The following MROH7 variants were observed in gnomAD, a reference collection of about 807,000 sequenced individuals.
MROH7 encodes the protein maestro heat like repeat family member 7, also known as maestro heat-like repeat-containing protein family member 7.
Under a neutral mutation model 129.2 loss-of-function variants are expected in MROH7, and 113 were observed. The observed-to-expected ratio is 0.87, with a 90% CI of 0.75 to 1.02. The LOEUF is 1.02. MROH7 is among the 50% of genes least tolerant of loss of function. The pLI, the probability that MROH7 is intolerant of heterozygous loss-of-function variation, is 0.00. For synonymous variants in MROH7, 655 were observed against 667.9 expected (o/e 0.98, Z 0.30); for missense variants, 1,601 against 1,671.3 (o/e 0.96, Z 0.73).
chr1:54,673,929 G>C, intron 9 of MROH7, 87 bp from the exon 10 acceptor site: 1 of 1,556,300 alleles, frequency 6.4e-7, no homozygotes, highest in Non-Finnish European at 8.8e-7. Context: ...GTGCTATCTG[G>C]GCCAGACTAT....
At chr1:54,688,080 TGTG>T (rs1427930546) in intron 15 of MROH7, among the ~76,000 whole-genome samples, 2 of 150,650 alleles carry the variant, frequency 1.3e-5, no homozygotes, top group African/African-American at 4.9e-5. Flanking sequence ...ATTAGCCAGA[TGTG>T]GTGGTGGGTG....
At chr1:54,698,797 C>CTTTTTTTTT (rs202069655) in intron 17 of MROH7, 1 of 141,860 alleles carries the variant, frequency 7.0e-6, no homozygotes, top group Non-Finnish European at 1.5e-5. Context: ...AAGTTTCTTT[C>CTTTTTTTTT]TTTTTTTTTT....
intron 10 of MROH7, among the ~76,000 whole-genome samples, chr1:54,676,070 G>A (rs987481117): frequency 6.6e-6 from 1 of 152,046 alleles, no homozygotes; most frequent in Non-Finnish European, 1.5e-5. Flanking sequence ...GGTAAACAAT[G>A]GGTAATTTTT....
intron 4 of MROH7, among the ~76,000 whole-genome samples, chr1:54,666,412 C>T (rs115308407): frequency 0.016 from 1,933 of 124,378 alleles, 39 homozygotes; most frequent in East Asian, 0.097. Context: ...TTATAGGAGG[C>T]GGGAGAAGAG....
chr1:54,682,888 C>T, intron 14 of MROH7, 94 bp downstream of exon 14: 1 of 1,379,040 alleles, frequency 7.3e-7, no homozygotes, highest in African/African-American at 1.4e-5. Flanking sequence ...GCCTCGAGTA[C>T]CGCACTCTGC....
intron 5 of MROH7, among the ~76,000 whole-genome samples, chr1:54,669,382 C>A (rs958469868): frequency 1.3e-5 from 2 of 152,208 alleles, no homozygotes; most frequent in Non-Finnish European, 2.9e-5. Context: ...TGAATAACCA[C>A]TGAAGCTTCC....
At chr1:54,642,642 GTC>G (rs781530204) in intron 1 of MROH7, among the ~76,000 whole-genome samples, 1 of 152,222 alleles carries the variant, frequency 6.6e-6, no homozygotes, top group East Asian at 1.9e-4. Context: ...TTGAGACAGA[GTC>G]TCTCTCTGTC....
intron 11 of MROH7, 79 bp from the exon 12 acceptor site, chr1:54,679,184 G>C: frequency 7.0e-7 from 1 of 1,432,582 alleles, no homozygotes; most frequent in Admixed American, 1.7e-5. Flanking sequence ...GGCAGTGTTT[G>C]TGCCTCTGTG....
chr1:54,671,877 G>T (rs1385550988), intron 7 of MROH7, among the ~76,000 whole-genome samples: 2 of 152,084 alleles, frequency 1.3e-5, no homozygotes, highest in Non-Finnish European at 2.9e-5. Context: ...AATCATAAAT[G>T]CTGCAAGCCA....
intron 1 of MROH7, among the ~76,000 whole-genome samples, chr1:54,649,666 A>G (rs751629247): frequency 6.6e-6 from 1 of 152,234 alleles, no homozygotes; most frequent in Non-Finnish European, 1.5e-5. Flanking sequence ...GAAGATCTTA[A>G]TCACTGCCTC....
chr1:54,669,118 G>T lies in MROH7; in HGVS notation c.1389+181G>T, dbSNP rs149518670. Among the ~76,000 whole-genome samples, 973 of 152,164 alleles carry T rather than the reference G, an allele frequency of 6.4e-3. 8 individuals carry two copies. The highest frequency in any genetic ancestry group is 0.018 in the African/African-American group (766 of 41,514). ...GAACTGCCCTCCACCTACACAGAGG[G>T]AGCTCAGGCAAGTTCTGAGCCTCAC... On this transcript the variant is annotated intron_variant, in intron 5 of 23. Transcript: ENST00000421030.
rs1186139412 is a variant in MROH7, at chr1:54,692,619, G to T, written c.2849+58G>T. Reference sequence around the variant, plus strand: ...GGAGGGAGAAAGAGGGGGACCTCAGGATCTTCAGACGGACTTGGTCTGCAT... The same window carrying T: ...GGAGGGAGAAAGAGGGGGACCTCAGTATCTTCAGACGGACTTGGTCTGCAT... On this transcript the variant is annotated intron_variant, in intron 16 of 23. Transcript: ENST00000421030. The T allele has an allele frequency of 7.0e-6, 11 of 1,562,722 alleles. No individual in the cohort carries two copies. In the Admixed American group the frequency reaches 1.8e-4, roughly 25 times the overall value.
intron 10 of MROH7, among the ~76,000 whole-genome samples, chr1:54,677,479 G>A (rs1331665571): frequency 1.3e-5 from 2 of 152,210 alleles, no homozygotes; most frequent in African/African-American, 4.8e-5. Context: ...ACAGGCGTGA[G>A]CCACTGCCCA....
intron 10 of MROH7, 128 bp downstream of exon 10, chr1:54,674,279 C>T: frequency 2.0e-6 from 2 of 1,003,958 alleles, no homozygotes; most frequent in Non-Finnish European, 2.8e-6. Context: ...AGCACAGGGC[C>T]AGATGGGGAC....
intron 4 of MROH7, among the ~76,000 whole-genome samples, chr1:54,668,520 T>G (rs1465641395): frequency 2.0e-5 from 3 of 152,156 alleles, no homozygotes. Flanking sequence ...GGGAGACCCA[T>G]ATGAAGTGTT....
At chr1:54,666,326 C>G (rs553914518) in intron 4 of MROH7, among the ~76,000 whole-genome samples, 1 of 151,996 alleles carries the variant, frequency 6.6e-6, no homozygotes, top group African/African-American at 2.4e-5. Context: ...TACCTGCCCC[C>G]CAATGAGGGC....
chr1:54,698,893 A>C (rs540102042), intron 17 of MROH7: 1 of 151,686 alleles, frequency 6.6e-6, no homozygotes, highest in South Asian at 2.1e-4. Flanking sequence ...TCCCAGGTTC[A>C]AGTGATTCTG....
intron 13 of MROH7, among the ~76,000 whole-genome samples, chr1:54,681,078 G>GC (rs1236538282): frequency 1.3e-5 from 2 of 152,132 alleles, no homozygotes; most frequent in African/African-American, 4.8e-5. Flanking sequence ...CCTTGCAGCA[G>GC]CCCCCACAGC....
chr1:54,642,766 C>A (rs1245102006), intron 1 of MROH7, among the ~76,000 whole-genome samples: 1 of 152,158 alleles, frequency 6.6e-6, no homozygotes, highest in Non-Finnish European at 1.5e-5. Context: ...CAGGTGCACA[C>A]ATCATGCCTG....
Sources: allele counts gnomAD v4.1 joint callset (sites outside exome capture counted in the v4.1 genomes callset), GRCh38; gene constraint gnomAD v4.1.1; transcripts MANE v1.5; gene names NCBI Gene and HGNC (gene_info 2026-07-23, HGNC 2026-07-21).